Variants in ARL15 observed in about 807,000 individuals in gnomAD.
The protein encoded by ARL15 is ARF like GTPase 15, also known as ADP-ribosylation factor-like protein 15.
In ARL15, 19 loss-of-function variants were observed where a neutral mutation model predicts 25.2. The ratio of observed to expected loss-of-function variants is 0.75; its 90% confidence interval spans 0.53 to 1.10. The LOEUF (loss-of-function observed/expected upper bound fraction) is 1.10, where lower values mean the gene tolerates loss of function less well. Among genes scored for constraint, ARL15 ranks in the 50% least tolerant of loss-of-function variants. ARL15 has a pLI of 0.00. For synonymous variants in ARL15, 94 were observed against 86.8 expected (o/e 1.08, Z -0.46); for missense variants, 220 against 246.0 (o/e 0.89, Z 0.71).
At chr5:53,954,499 A>T (rs1487190964) in intron 4 of ARL15, among the ~76,000 whole-genome samples, 1 of 152,210 alleles carries the variant, frequency 6.6e-6, no homozygotes, top group Non-Finnish European at 1.5e-5. Flanking sequence ...CTCCTTGAAC[A>T]TCATGTCCCT....
chr5:54,109,270 G>T (rs190595113), intron 4 of ARL15, among the ~76,000 whole-genome samples: 1 of 152,042 alleles, frequency 6.6e-6, no homozygotes, highest in East Asian at 1.9e-4. Flanking sequence ...TTCTCAATTA[G>T]TATTTGCTTT....
chr5:53,910,126 A>G (rs1415450284), intron 4 of ARL15, among the ~76,000 whole-genome samples: 1 of 152,168 alleles, frequency 6.6e-6, no homozygotes, highest in Non-Finnish European at 1.5e-5. Flanking sequence ...AAATCCAACA[A>G]CTGCCCACAG....
chr5:54,137,722 T>C (rs149876304), intron 3 of ARL15, among the ~76,000 whole-genome samples: 16 of 152,206 alleles, frequency 1.1e-4, no homozygotes, highest in Non-Finnish European at 2.2e-4. Context: ...TTGTTCCAGA[T>C]GATAAATGGA....
chr5:53,959,285 A>G (rs1479616535), intron 4 of ARL15, among the ~76,000 whole-genome samples: 1 of 152,236 alleles, frequency 6.6e-6, no homozygotes, highest in Non-Finnish European at 1.5e-5. Context: ...TAAAAGATGC[A>G]CTGTTAAGCC....
chr5:54,061,383 G>A (rs1355087046), intron 4 of ARL15, among the ~76,000 whole-genome samples: 2 of 152,274 alleles, frequency 1.3e-5, no homozygotes, highest in Admixed American at 6.5e-5. Flanking sequence ...GCTGAGGTGG[G>A]TGGATCACCT....
chr5:54,228,395 G>T (rs1756580631), intron 1 of ARL15, among the ~76,000 whole-genome samples: 1 of 152,070 alleles, frequency 6.6e-6, no homozygotes, highest in African/African-American at 2.4e-5. Context: ...GGTAGAATAG[G>T]TTCAATATTC....
chr5:54,111,336 T>A (rs1215758928), intron 4 of ARL15, among the ~76,000 whole-genome samples: 1 of 152,014 alleles, frequency 6.6e-6, no homozygotes, highest in Non-Finnish European at 1.5e-5. Flanking sequence ...TAACTATCAG[T>A]CTTACTGAAA....
At chr5:54,157,754 T>C (rs1754284374) in intron 2 of ARL15, among the ~76,000 whole-genome samples, 1 of 152,136 alleles carries the variant, frequency 6.6e-6, no homozygotes, top group African/African-American at 2.4e-5. Context: ...CCCGACAAAA[T>C]AGTCGTAAAT....
intron 1 of ARL15, among the ~76,000 whole-genome samples, chr5:54,202,280 A>G (rs567860855): frequency 2.0e-5 from 3 of 152,340 alleles, no homozygotes; most frequent in Non-Finnish European, 4.4e-5. Flanking sequence ...CTGTTACGTT[A>G]CATGGCCAGG....
chr5:53,956,736 C>A (rs1278483652), intron 4 of ARL15, among the ~76,000 whole-genome samples: 2 of 151,504 alleles, frequency 1.3e-5, no homozygotes, highest in Non-Finnish European at 2.9e-5. Flanking sequence ...AAATAGAGAC[C>A]ATCAATAAAG....
At chr5:53,900,483 C>T (rs1312858016) in intron 4 of ARL15, among the ~76,000 whole-genome samples, 1 of 151,866 alleles carries the variant, frequency 6.6e-6, no homozygotes, top group Non-Finnish European at 1.5e-5. Flanking sequence ...CAGCATAATC[C>T]AGATTTGGAT....
intron 1 of ARL15, among the ~76,000 whole-genome samples, chr5:54,258,897 T>C (rs904348537): frequency 4.6e-5 from 7 of 152,144 alleles, no homozygotes; most frequent in African/African-American, 1.7e-4. Context: ...CCAGAGGTGG[T>C]TGCCTCAGGC....
At position 54,141,379 on chromosome 5, in the gene ARL15, C is replaced by CT. The variant is rs561100656; in HGVS notation, c.253+13200dup. On this transcript the variant is annotated intron_variant, in intron 3 of 4. Transcript: ENST00000504924. ...CCAGTCACTTTCATCTTTTTTCAAG[C>CT]TTTTTTTACCTTAATCTGTCTAGAA... Among the ~76,000 whole-genome samples, 13 of 151,842 alleles carry CT rather than the reference C, an allele frequency of 8.6e-5. No homozygotes were observed. In the South Asian group the frequency reaches 1.9e-3, roughly 22 times the overall value.
chr5:53,891,921 C>T (rs1345940100), intron 4 of ARL15, among the ~76,000 whole-genome samples: 1 of 152,178 alleles, frequency 6.6e-6, no homozygotes, highest in African/African-American at 2.4e-5. Context: ...AGACACGATG[C>T]TGCAAACTGA....
In ARL15 at chr5:54,059,749, T is replaced by TA. The variant is rs1302616839; in HGVS notation, c.462+53452dup. Among the ~76,000 whole-genome samples the TA allele has an allele frequency of 2.0e-5, 3 of 152,200 alleles. No homozygotes were observed. The East Asian group carries it at 5.8e-4, about 29-fold the overall frequency. On this transcript the variant is annotated intron_variant, in intron 4 of 4. Coordinates refer to ENST00000504924, the MANE Select transcript of ARL15 (RefSeq NM_019087.3). ...TATTCTTATTGTGTAGTTAACTTTT[T>TA]AAAGGGTCCATTTTAGTTATTTGGC...
intron 1 of ARL15, among the ~76,000 whole-genome samples, chr5:54,292,473 T>C (rs975078113): frequency 3.9e-5 from 6 of 152,094 alleles, no homozygotes; most frequent in African/African-American, 1.4e-4. Context: ...CTCCCTTCAC[T>C]CTCAAACCAG....
rs137951908 is a variant in ARL15, at chr5:54,212,280, T to G, written c.49-40352A>C. Among the ~76,000 whole-genome samples the G allele has an allele frequency of 1.2e-3, 185 of 152,318 alleles. 2 individuals are homozygous for G. The highest frequency in any genetic ancestry group is 4.2e-3 in the African/African-American group (173 of 41,580). On this transcript the variant is annotated intron_variant, in intron 1 of 4. Coordinates refer to ENST00000504924, the MANE Select transcript of ARL15 (RefSeq NM_019087.3). ...AAATGAGACTTAATTAAAAAGAAGC[T>G]GGCCTTTTTTGTAAGGTAGTAAGAA...
intron 4 of ARL15, among the ~76,000 whole-genome samples, chr5:53,945,771 T>C (rs913078700): frequency 6.6e-6 from 1 of 152,232 alleles, no homozygotes; most frequent in Non-Finnish European, 1.5e-5. Context: ...TAAAGTCAAG[T>C]AAATTTATGT....
At chr5:54,181,659 C>T (rs537360992) in intron 1 of ARL15, among the ~76,000 whole-genome samples, 1 of 152,152 alleles carries the variant, frequency 6.6e-6, no homozygotes, top group Non-Finnish European at 1.5e-5. Flanking sequence ...GGTGGTCGGG[C>T]ACAGTCGCTC....
Sources: gnomAD v4.1 joint callset for allele counts (sites outside exome capture counted in the v4.1 genomes callset) on GRCh38, gnomAD v4.1.1 for gene constraint, MANE v1.5 for transcripts, NCBI Gene and HGNC (gene_info 2026-07-23, HGNC 2026-07-21) for gene names.